Variants in PAX2 observed in about 807,000 individuals in gnomAD.
The protein encoded by PAX2 is paired box protein Pax-2.
In PAX2, 9 loss-of-function variants were observed where a neutral mutation model predicts 41.7. The observed-to-expected ratio is 0.22, with a 90% confidence interval of 0.13 to 0.38. PAX2 has a LOEUF of 0.38. PAX2 is among the 10% of genes least tolerant of loss of function. The pLI is 1.00. For synonymous variants in PAX2, 221 were observed against 212.7 expected (o/e 1.04, Z -0.34); for missense variants, 418 against 531.6 (o/e 0.79, Z 2.10).
intron 3 of PAX2, among the ~76,000 whole-genome samples, chr10:100,757,592 A>G (rs563450182): frequency 6.6e-6 from 1 of 152,316 alleles, no homozygotes; most frequent in East Asian, 1.9e-4. Flanking sequence ...GCTCTTCCCA[A>G]CACAATCCTT....
At chr10:100,771,718 G>A (rs1001254683) in intron 3 of PAX2, among the ~76,000 whole-genome samples, 8 of 152,114 alleles carry the variant, frequency 5.3e-5, no homozygotes, top group Non-Finnish European at 1.0e-4. Context: ...CCATGGATAC[G>A]TGCCTGATAT....
intron 3 of PAX2, among the ~76,000 whole-genome samples, chr10:100,778,297 C>T (rs1299401597): frequency 6.6e-6 from 1 of 152,336 alleles, no homozygotes; most frequent in Non-Finnish European, 1.5e-5. Context: ...CTCTGTTCAG[C>T]GACTTCTTCC....
exon 1 of PAX2, chr10:100,735,455 T>C (rs1844756519): frequency 4.3e-6 from 1 of 233,952 alleles, no homozygotes; most frequent in Non-Finnish European, 8.4e-6. Context: ...TGTGCACGCG[T>C]GTGCGCGGGG....
chr10:100,780,857 G>T (rs1288513592), intron 4 of PAX2, among the ~76,000 whole-genome samples: 1 of 152,184 alleles, frequency 6.6e-6, no homozygotes, highest in Non-Finnish European at 1.5e-5. Context: ...GTGCAAGGGG[G>T]TATCCAAGGA....
intron 1 of PAX2, chr10:100,749,014 A>G (rs540243108): frequency 1.0e-6 from 1 of 985,474 alleles, no homozygotes; most frequent in South Asian, 4.7e-5. Context: ...CTCTGAGCGC[A>G]GCAGACCCCG....
rs555925295 is a variant in PAX2, at chr10:100,773,270, G to GT, written c.411-6222dup. Among the ~76,000 whole-genome samples the GT allele has an allele frequency of 1.3e-3, 202 of 152,274 alleles. 1 individual carries two copies. Among genetic ancestry groups the GT allele is most frequent in the African/African-American group, 4.7e-3 (197 of 41,534 alleles). On this transcript the variant is annotated intron_variant, in intron 3 of 9. Coordinates refer to ENST00000355243, the MANE Select transcript of PAX2 (RefSeq NM_000278.5). ...GCACATAGTAGATACTCAGTAGACA[G>GT]TTTTTTGTTTTTGTTTTTAAACTGG...
chr10:100,765,119 T>C (rs1845973900), intron 3 of PAX2, among the ~76,000 whole-genome samples: 1 of 152,168 alleles, frequency 6.6e-6, no homozygotes, highest in Non-Finnish European at 1.5e-5. Flanking sequence ...TGCTAAGGAG[T>C]AAAAGTTTTT....
chr10:100,736,045 T>C (rs754497989), intron 1 of PAX2, among the ~76,000 whole-genome samples: 2 of 152,228 alleles, frequency 1.3e-5, no homozygotes, highest in African/African-American at 4.8e-5. Flanking sequence ...TACAGATATT[T>C]TGCACAACTT....
rs1433504055 is a variant in PAX2, at chr10:100,826,597, G to A, written c.1022-412G>A. 1.3e-5 allele frequency among the ~76,000 whole-genome samples: 2 copies of A among 152,180 alleles called. No individual in the cohort carries two copies. ...AAAAATGTCCCGAAGGCCTTTCTTC[G>A]CCACCGCCCCCCACTCCCATTTCCA... On this transcript the variant is annotated intron_variant, in intron 8 of 9. Coordinates refer to ENST00000355243, the MANE Select transcript of PAX2 (RefSeq NM_000278.5). This position sits in a 1 kb window ranked among gnomAD's most constrained non-coding sequence, Gnocchi z 5.5.
chr10:100,785,084 A>G (rs1846794299), intron 5 of PAX2, among the ~76,000 whole-genome samples: 1 of 152,164 alleles, frequency 6.6e-6, no homozygotes, highest in Admixed American at 6.5e-5. Flanking sequence ...CTTAGCTGTA[A>G]TTATGGGTGG....
chr10:100,750,241 G>C lies in PAX2; in HGVS notation c.212+327G>C, dbSNP rs1050588710. 6.6e-6 allele frequency among the ~76,000 whole-genome samples: 1 copy of C among 152,054 alleles called. No homozygotes were observed. Among genetic ancestry groups the C allele is most frequent in the Admixed American group, 6.5e-5 (1 of 15,276 alleles). On this transcript the variant is annotated intron_variant, in intron 2 of 9. Transcript: ENST00000355243. This position sits in a 1 kb window ranked among gnomAD's most constrained non-coding sequence, Gnocchi z 4.1. ...GGGTGGGAGACATTAGAGGAATGGG[G>C]GGGGAGTGAAAATGGGTCCCCGAGA...
In PAX2 at chr10:100,828,513, C is replaced by G. The variant is rs1415416974; in HGVS notation, c.*894C>G. 1 of 233,874 alleles carries G rather than the reference C, an allele frequency of 4.3e-6. No individual in the cohort carries two copies. Among genetic ancestry groups the G allele is most frequent in the Non-Finnish European group, 8.4e-6 (1 of 118,584 alleles). The allele number at this position is 233,874 out of a possible 1,614,324, so 14.5% of individuals were successfully genotyped here. A position where few individuals can be genotyped will look rare whatever the true frequency, so the allele number is the denominator to read the frequency against. The stretch of plus-strand genomic sequence containing the variant: ...CCAGTCCTTCGCCTGTCCCTTGACG[C>G]CCTGCATCCTCCTCCCTGACTCGCA... On this transcript the variant is annotated 3_prime_UTR_variant, in exon 10 of 10. Transcript: ENST00000355243. This position sits in a 1 kb window ranked among gnomAD's most constrained non-coding sequence, Gnocchi z 6.5.
In PAX2 at chr10:100,827,284, C is replaced by G. The variant is rs1405051824; in HGVS notation, c.1108+189C>G. On this transcript the variant is annotated intron_variant, in intron 9 of 9. Transcript: ENST00000355243. This position sits in a 1 kb window ranked among gnomAD's most constrained non-coding sequence, Gnocchi z 8.5. ...CCTGCCCTCCCGTGCCCTCCCTGGT[C>G]GCTCGAAGGCTCTGCGCCGCCCTCG... Among the ~76,000 whole-genome samples, 2 of 152,156 alleles carry G rather than the reference C, an allele frequency of 1.3e-5. No individual in the cohort carries two copies. The highest frequency in any genetic ancestry group is 2.9e-5 in the Non-Finnish European group (2 of 68,034).
chr10:100,822,978 G>A (rs551566380), intron 7 of PAX2, among the ~76,000 whole-genome samples: 1 of 152,318 alleles, frequency 6.6e-6, no homozygotes, highest in East Asian at 1.9e-4. Flanking sequence ...CCACATTTAG[G>A]ACAGACAGGA....
intron 5 of PAX2, among the ~76,000 whole-genome samples, chr10:100,801,347 A>G (rs996342058): frequency 6.6e-6 from 1 of 152,268 alleles, no homozygotes; most frequent in African/African-American, 2.4e-5. Context: ...GCAAATAGGA[A>G]ACAGTCAGAT....
rs1042417328 is a variant in PAX2, at chr10:100,745,963, C to T, written c.-298C>T. 14 of 1,298,194 alleles carry T rather than the reference C, an allele frequency of 1.1e-5. No homozygotes were observed. The highest frequency in any genetic ancestry group is 1.4e-5 in the Non-Finnish European group (14 of 1,024,612). 80.4% of individuals were successfully genotyped at this position (1,298,194 alleles called of 1,614,324 possible). Reference sequence around the variant, plus strand: ...GGCTGCAGCTGCAGCGCGAGCCATGCGCCCCCAGTGCACCCCGGCCCGGCC... The same window carrying T: ...GGCTGCAGCTGCAGCGCGAGCCATGTGCCCCCAGTGCACCCCGGCCCGGCC... On this transcript the variant is annotated 5_prime_UTR_variant, in exon 1 of 10. Transcript: ENST00000355243.
intron 5 of PAX2, among the ~76,000 whole-genome samples, chr10:100,783,244 A>G (rs1359237868): frequency 6.6e-6 from 1 of 152,250 alleles, no homozygotes; most frequent in Admixed American, 6.5e-5. Flanking sequence ...GCTTGGTACT[A>G]TAGGATCCCA....
rs1319305525 is a variant in PAX2, at chr10:100,804,299, C to T, written c.617-2131C>T. The stretch of plus-strand genomic sequence containing the variant: ...ACACACACACACACACACACACAGA[C>T]ACAGTGAGCCAAGCCACACACAGAC... On this transcript the variant is annotated intron_variant, in intron 5 of 9. Transcript: ENST00000355243. 2.0e-5 allele frequency among the ~76,000 whole-genome samples: 3 copies of T among 152,046 alleles called. 1 individual carries two copies. Among genetic ancestry groups the T allele is most frequent in the South Asian group, 4.1e-4 (2 of 4,820 alleles).
chr10:100,768,055 A>T (rs11190693), intron 3 of PAX2, among the ~76,000 whole-genome samples: 23,722 of 148,494 alleles, frequency 0.16, 2,394 homozygotes, highest in Middle Eastern at 0.32. Flanking sequence ...ATGCACATTT[A>T]TGTACGTCAA....
Sources: allele counts gnomAD v4.1 joint callset (sites outside exome capture counted in the v4.1 genomes callset), GRCh38; gene constraint gnomAD v4.1.1; non-coding constraint Gnocchi (gnomAD v3.1); transcripts MANE v1.5; gene names NCBI Gene and HGNC (gene_info 2026-07-23, HGNC 2026-07-21).